The following SUN3 variants were observed in gnomAD, a reference collection of about 807,000 sequenced individuals.
SUN3 encodes Sad1 and UNC84 domain containing 3.
Under a neutral mutation model 48.2 loss-of-function variants are expected in SUN3, and 36 were observed. The ratio of observed to expected loss-of-function variants is 0.75; its 90% CI spans 0.57 to 0.99. The LOEUF is 0.99. Among genes scored for constraint, SUN3 ranks in the 50% least tolerant of loss-of-function variants. The pLI is 0.00. For missense variants in SUN3, 419 were observed against 433.1 expected (o/e 0.97, Z 0.29); for synonymous variants, 148 against 147.9 (o/e 1.00, Z 0.00).
In SUN3 at chr7:47,987,434, A is replaced by G; in HGVS notation, c.970T>C (p.Tyr324His). 25 of 1,568,844 alleles carry G rather than the reference A, an allele frequency of 1.6e-5. No homozygotes were observed. Among genetic ancestry groups the G allele is most frequent in the Non-Finnish European group, 2.2e-5 (25 of 1,161,188 alleles). Residue 324 changes from tyrosine (Y) to histidine (H), a missense_variant, in exon 10 of 10, where the codon TAT becomes CAT. Physicochemically the swap from Tyr to His is moderately conservative, Grantham distance 83. Transcript: ENST00000297325. Reference sequence around the variant, plus strand: ...ATATTAAGTTTCACACATAATAAATATTCAGAAACTGCATGCTGAAAATAA... The same window carrying G: ...ATATTAAGTTTCACACATAATAAATGTTCAGAAACTGCATGCTGAAAATAA... ...TFELQHAVSEYLLCVKLNIFS... is the reference protein window; with the variant it reads ...TFELQHAVSEHLLCVKLNIFS...
chr7:48,007,179 G>T lies in SUN3; in HGVS notation c.478C>A (p.Pro160Thr), dbSNP rs1248209693. The change falls in exon 5 of 10, where the codon CCG becomes ACG. Residue 160 changes from proline (P) to threonine (T), a missense_variant. Transcript: ENST00000297325. ...TCATCCAGGACCTCTGTGTGGTCCGGGTCCTCCACAGGGTCTCCATGGGTG... is the reference window on the plus strand; with the variant it reads ...TCATCCAGGACCTCTGTGTGGTCCGTGTCCTCCACAGGGTCTCCATGGGTG... ...WNTHGDPVED[P>T]DHTEEVSNLV... 1.2e-6 allele frequency: 2 copies of T among 1,613,736 alleles called. No homozygotes were observed. Among genetic ancestry groups the T allele is most frequent in the Non-Finnish European group, 8.5e-7 (1 of 1,179,918 alleles).
chr7:48,014,424 C>T (rs1005661673), intron 3 of SUN3, among the ~76,000 whole-genome samples: 2 of 152,102 alleles, frequency 1.3e-5, no homozygotes. Flanking sequence ...TAGACAAGCT[C>T]CTTGATCATT....
chr7:48,014,678 G>A (rs1307794285), intron 3 of SUN3, among the ~76,000 whole-genome samples: 1 of 152,172 alleles, frequency 6.6e-6, no homozygotes, highest in Non-Finnish European at 1.5e-5. Flanking sequence ...CAATATTCAG[G>A]CACTAACAGA....
Position 48,017,388 on chromosome 7 carries a change from T to C in SUN3, c.185-23A>G, listed in dbSNP as rs750862661. 9 of 1,317,830 alleles carry C rather than the reference T, an allele frequency of 6.8e-6. 1 individual carries two copies. Among genetic ancestry groups the C allele is most frequent in the Middle Eastern group, 3.7e-4 (2 of 5,428 alleles). 81.6% of individuals were successfully genotyped at this position (1,317,830 alleles called of 1,614,324 possible). On this transcript the variant is annotated intron_variant, in intron 2 of 9. Transcript: ENST00000297325. ...GTCCTGTTAAAGAAAAGACAAACTT[T>C]GATTAAAGAGTTTCTCTGGAAACAT...
intron 6 of SUN3, 116 bp downstream of exon 6, chr7:48,005,853 C>CG (rs1339466017): frequency 4.0e-6 from 2 of 502,306 alleles, no homozygotes; most frequent in Non-Finnish European, 7.1e-6. Context: ...ATTAATTTCC[C>CG]CCCCCCAAGT....
chr7:48,029,103 C>A lies in SUN3; in HGVS notation c.-165G>T. ...TTCTTGAAGACGGAATTTTGAAAAG[C>A]TTCTGATTCTTCTGTTGCATCATCC... On this transcript the variant is annotated 5_prime_UTR_variant, in exon 1 of 10. Transcript: ENST00000297325. The A allele has an allele frequency of 1.1e-6, 1 of 942,974 alleles. No individual in the cohort carries two copies. Among genetic ancestry groups the A allele is most frequent in the South Asian group, 1.7e-5 (1 of 60,596 alleles). The allele number at this position is 942,974 out of a possible 1,614,324, so 58.4% of individuals were successfully genotyped here.
chr7:48,023,080 A>AG (rs1474297262), intron 2 of SUN3, among the ~76,000 whole-genome samples: 2 of 152,158 alleles, frequency 1.3e-5, no homozygotes, highest in African/African-American at 4.8e-5. Flanking sequence ...CAAAATCTCC[A>AG]GTAAAGGTAA....
At chr7:47,990,740 A>G (rs1247741459) in intron 8 of SUN3, among the ~76,000 whole-genome samples, 1 of 151,766 alleles carries the variant, frequency 6.6e-6, no homozygotes, top group Non-Finnish European at 1.5e-5. Context: ...TTTTTTTAAG[A>G]AACAGGATCT....
At chr7:47,989,271 TG>T (rs1788986317) in intron 8 of SUN3, among the ~76,000 whole-genome samples, 1 of 152,206 alleles carries the variant, frequency 6.6e-6, no homozygotes. Flanking sequence ...AAGCATACTT[TG>T]AATAAAATAA....
intron 2 of SUN3, among the ~76,000 whole-genome samples, chr7:48,022,878 C>T (rs912980857): frequency 1.3e-5 from 2 of 151,912 alleles, no homozygotes; most frequent in South Asian, 2.1e-4. Flanking sequence ...ATATTTAAAG[C>T]GTTGAAAGAA....
intron 1 of SUN3, among the ~76,000 whole-genome samples, chr7:48,027,630 A>G (rs1476727916): frequency 6.6e-6 from 1 of 152,262 alleles, no homozygotes; most frequent in African/African-American, 2.4e-5. Context: ...TGGACCATTC[A>G]TTAACTGTAT....
At chr7:48,024,930 T>A (rs1294285278) in intron 2 of SUN3, among the ~76,000 whole-genome samples, 1 of 152,154 alleles carries the variant, frequency 6.6e-6, no homozygotes, top group African/African-American at 2.4e-5. Context: ...AATTTCAACA[T>A]GAGGTTTGGG....
At chr7:48,027,460 T>C (rs1443070260) in intron 1 of SUN3, among the ~76,000 whole-genome samples, 2 of 152,186 alleles carry the variant, frequency 1.3e-5, no homozygotes. Flanking sequence ...ATGACAACCT[T>C]TTCACATCTA....
chr7:48,015,948 T>C (rs1789799867), intron 3 of SUN3, among the ~76,000 whole-genome samples: 1 of 152,166 alleles, frequency 6.6e-6, no homozygotes, highest in African/African-American at 2.4e-5. Context: ...ATCTGCCTTT[T>C]TAGGACTAAC....
rs770172369 is a variant in SUN3 at position 47,999,664 on chromosome 7, A to G, written c.578-3518T>C. Among the ~76,000 whole-genome samples, 108 of 152,178 alleles carry G rather than the reference A, an allele frequency of 7.1e-4. 1 individual carries two copies. The highest frequency in any genetic ancestry group is 3.5e-4 in the Non-Finnish European group (24 of 68,038). ...GCGATTCTCCTGCCTCAGCCTCCTG[A>G]GTAGCAGGATTACAGGCGTGCGCCA... On this transcript the variant is annotated intron_variant, in intron 6 of 9. Transcript: ENST00000297325.
chr7:48,026,608 A>ACC (rs1790142881), intron 1 of SUN3, among the ~76,000 whole-genome samples: 1 of 151,768 alleles, frequency 6.6e-6, no homozygotes, highest in African/African-American at 2.4e-5. Flanking sequence ...ACACACACAC[A>ACC]CACATTCATT....
chr7:48,031,987 A>C (rs549276699), upstream of SUN3, among the ~76,000 whole-genome samples: 1 of 152,336 alleles, frequency 6.6e-6, no homozygotes, highest in South Asian at 2.1e-4. Flanking sequence ...CATTATGCTA[A>C]GTGAAATAAA....
upstream of SUN3, among the ~76,000 whole-genome samples, chr7:48,029,408 A>G (rs1434559216): frequency 6.6e-6 from 1 of 152,226 alleles, no homozygotes; most frequent in Non-Finnish European, 1.5e-5. Context: ...CTACAACCTG[A>G]AAATTGATAT....
At chr7:48,001,135 C>T (rs7808462) in intron 6 of SUN3, among the ~76,000 whole-genome samples, 65,605 of 151,866 alleles carry the variant, frequency 0.43, 14,379 homozygotes, top group Middle Eastern at 0.55. Flanking sequence ...GTTTGTTACA[C>T]AGAAAAACTT....
Sources: allele counts gnomAD v4.1 joint callset (sites outside exome capture counted in the v4.1 genomes callset), GRCh38; gene constraint gnomAD v4.1.1; transcripts MANE v1.5; gene names NCBI Gene and HGNC (gene_info 2026-07-23, HGNC 2026-07-21).